The following GALNT13 variants were observed in gnomAD, a reference collection of about 807,000 sequenced individuals.
GALNT13 encodes UDP-GalNAc:polypeptide N-acetylgalactosaminyltransferase 13.
A neutral mutation model predicts 64.2 loss-of-function variants in GALNT13; 28 were observed. The observed-to-expected ratio is 0.44, with a 90% confidence interval of 0.32 to 0.60. GALNT13 has a LOEUF of 0.60. GALNT13 is among the 20% of genes least tolerant of loss of function. The pLI is 0.05. For synonymous variants in GALNT13, 214 were observed against 224.6 expected (o/e 0.95, Z 0.42); for missense variants, 577 against 669.8 (o/e 0.86, Z 1.53).
At chr2:153,580,578 G>A in the GALNT13 span, among the ~76,000 whole-genome samples, 1 of 152,288 alleles carries the variant, frequency 6.6e-6, no homozygotes, top group Admixed American at 6.5e-5. Context: ...AGAGAGGACA[G>A]AAGAGAATAT....
At chr2:154,245,135 A>ATAAATAAG (rs1689711263) in intron 6 of GALNT13, among the ~76,000 whole-genome samples, 3 of 151,514 alleles carry the variant, frequency 2.0e-5, no homozygotes, top group African/African-American at 4.8e-5. Flanking sequence ...AAATAAATAA[A>ATAAATAAG]TAAATAAATA....
At chr2:153,305,469 A>T in the GALNT13 span, among the ~76,000 whole-genome samples, 1 of 152,188 alleles carries the variant, frequency 6.6e-6, no homozygotes, top group African/African-American at 2.4e-5. Context: ...TTATTTGTAA[A>T]ATAATGATAC....
intron 2 of GALNT13, among the ~76,000 whole-genome samples, chr2:153,922,877 A>ATTTTTAT (rs1223164842): frequency 6.6e-6 from 1 of 151,816 alleles, no homozygotes; most frequent in Admixed American, 6.6e-5. Flanking sequence ...TAGCATTTTT[A>ATTTTTAT]TTTTTATTTT....
At chr2:154,310,535 T>G (rs1693976426) in intron 9 of GALNT13, among the ~76,000 whole-genome samples, 1 of 152,198 alleles carries the variant, frequency 6.6e-6, no homozygotes, top group Non-Finnish European at 1.5e-5. Context: ...GAATTATTAT[T>G]CCATTTTGTA....
chr2:153,504,310 A>G, the GALNT13 span, among the ~76,000 whole-genome samples: 2 of 152,170 alleles, frequency 1.3e-5, no homozygotes, highest in African/African-American at 4.8e-5. Context: ...TTCTAGGTAT[A>G]CAATCATATA....
At chr2:153,644,978 A>G in the GALNT13 span, among the ~76,000 whole-genome samples, 2 of 152,134 alleles carry the variant, frequency 1.3e-5, no homozygotes, top group African/African-American at 4.8e-5. Context: ...TACTATTTCA[A>G]CATTATGATG....
At chr2:153,640,441 A>G in the GALNT13 span, among the ~76,000 whole-genome samples, 1 of 152,142 alleles carries the variant, frequency 6.6e-6, no homozygotes, top group Non-Finnish European at 1.5e-5. Flanking sequence ...ACACAGTATA[A>G]TTCAATGAGG....
At chr2:153,885,899 G>A (rs1385198677) in intron 1 of GALNT13, among the ~76,000 whole-genome samples, 1 of 152,014 alleles carries the variant, frequency 6.6e-6, no homozygotes, top group Non-Finnish European at 1.5e-5. Flanking sequence ...TAACCTGCCG[G>A]TTGTTGCTGT....
intron 1 of GALNT13, among the ~76,000 whole-genome samples, chr2:153,900,685 C>G (rs1160798794): frequency 1.3e-5 from 2 of 152,116 alleles, no homozygotes; most frequent in African/African-American, 2.4e-5. Flanking sequence ...TAATATGAAG[C>G]TAGTATGCAG....
chr2:153,161,053 G>A, the GALNT13 span, among the ~76,000 whole-genome samples: 1 of 152,096 alleles, frequency 6.6e-6, no homozygotes, highest in Non-Finnish European at 1.5e-5. Flanking sequence ...CTTTCAAGCT[G>A]CCATTTGAAC....
the GALNT13 span, among the ~76,000 whole-genome samples, chr2:153,862,439 T>C: frequency 6.6e-6 from 1 of 152,204 alleles, no homozygotes; most frequent in Non-Finnish European, 1.5e-5. Flanking sequence ...TATGGAATTC[T>C]TCATGGAGAG....
At chr2:153,585,047 T>C in the GALNT13 span, among the ~76,000 whole-genome samples, 2 of 152,198 alleles carry the variant, frequency 1.3e-5, no homozygotes, top group Non-Finnish European at 2.9e-5. Flanking sequence ...ATGAACACAA[T>C]AATTCTCAAG....
chr2:153,365,423 G>A, the GALNT13 span, among the ~76,000 whole-genome samples: 4,566 of 152,246 alleles, frequency 0.03, 107 homozygotes, highest in Middle Eastern at 0.071. Context: ...CTTCTGCACA[G>A]CAATAGAAAC....
At chr2:153,117,594 A>G in the GALNT13 span, among the ~76,000 whole-genome samples, 3 of 152,176 alleles carry the variant, frequency 2.0e-5, no homozygotes, top group African/African-American at 7.2e-5. Context: ...GGTGCAGTTG[A>G]GGTAGCATGG....
the GALNT13 span, among the ~76,000 whole-genome samples, chr2:153,800,899 T>G: frequency 2.6e-5 from 4 of 152,220 alleles, no homozygotes; most frequent in African/African-American, 4.8e-5. Context: ...TATATCCACC[T>G]TTACAAATTA....
At chr2:153,401,055 G>A in the GALNT13 span, among the ~76,000 whole-genome samples, 2 of 151,346 alleles carry the variant, frequency 1.3e-5, no homozygotes, top group Non-Finnish European at 1.5e-5. Context: ...TTTCTCTTGT[G>A]GGCATTTAGT....
chr2:153,121,137 G>A, the GALNT13 span, among the ~76,000 whole-genome samples: 1 of 152,176 alleles, frequency 6.6e-6, no homozygotes, highest in African/African-American at 2.4e-5. Context: ...TCTAGCATTA[G>A]AAGAGTTTCA....
intron 2 of GALNT13, among the ~76,000 whole-genome samples, chr2:153,929,934 C>T (rs888105278): frequency 6.6e-6 from 1 of 152,054 alleles, no homozygotes; most frequent in Non-Finnish European, 1.5e-5. Context: ...AACGTTTTCC[C>T]CATTGGCAGA....
At chr2:153,216,693 G>A in the GALNT13 span, among the ~76,000 whole-genome samples, 1 of 151,848 alleles carries the variant, frequency 6.6e-6, no homozygotes, top group African/African-American at 2.4e-5. Flanking sequence ...ACATATTCTA[G>A]ATAAAAATCT....
Sources: gnomAD v4.1 joint callset for allele counts (sites outside exome capture counted in the v4.1 genomes callset) on GRCh38, gnomAD v4.1.1 for gene constraint, MANE v1.5 for transcripts, NCBI Gene and HGNC (gene_info 2026-07-23, HGNC 2026-07-21) for gene names.